Variants in OGT observed in about 807,000 individuals in gnomAD.
OGT encodes the protein O-linked N-acetylglucosamine (GlcNAc) transferase, also known as UDP-N-acetylglucosamine--peptide N-acetylglucosaminyltransferase 110 kDa subunit.
OGT carries 3 observed loss-of-function variants against 75.8 expected under a neutral mutation model. That is an observed-to-expected ratio of 0.04 (90% CI 0.02 to 0.10). The LOEUF (loss-of-function observed/expected upper bound fraction) is 0.10, where lower values mean the gene tolerates loss of function less well. Ranked by LOEUF, OGT falls within the 10% of genes least tolerant of loss-of-function variation. The pLI is 1.00. For missense variants in OGT, 260 were observed against 824.4 expected (o/e 0.32, Z 8.38); for synonymous variants, 257 against 289.7 (o/e 0.89, Z 1.15).
At chrX:71,557,450 G>T in intron 11 of OGT, 43 bp from the exon 12 acceptor site, 1 of 1,164,522 alleles carries the variant, frequency 8.6e-7, no homozygotes, top group Non-Finnish European at 1.2e-6. Context: ...TTAAATCCTG[G>T]GATAGGACTT....
intron 21 of OGT, among the ~76,000 whole-genome samples, chrX:71,571,253 A>G (rs779511478): frequency 1.8e-5 from 2 of 112,090 alleles, no homozygotes; most frequent in African/African-American, 3.2e-5. Context: ...GCATTTTACT[A>G]TTCTTGCTTT....
chrX:71,541,294 G>A (rs1020106041), intron 3 of OGT, among the ~76,000 whole-genome samples: 1 of 111,865 alleles, frequency 8.9e-6, no homozygotes, highest in Non-Finnish European at 1.9e-5. Context: ...CAGCTGCACT[G>A]TAGAAAACCA....
Position 71,556,039 on chromosome X carries a change from A to G in OGT, c.1010A>G (p.Lys337Arg). 8.3e-7 allele frequency: 1 copy of G among 1,211,839 alleles called. No homozygotes were observed. Among genetic ancestry groups the G allele is most frequent in the Non-Finnish European group, 1.1e-6 (1 of 895,442 alleles). Residue 337 changes from lysine (K) to arginine (R), a missense_variant, in exon 8 of 22, where the codon AAA becomes AGA. Lys to Arg is a conservative substitution (Grantham distance 26). Coordinates refer to ENST00000373719, the MANE Select transcript of OGT (RefSeq NM_181672.3). ...ADSLNNLANI[K>R]REQGNIEEAV... ...TCTCTGAATAACCTAGCCAATATCA[A>G]ACGAGAACAGGGAAACATTGAAGAG...
At chrX:71,551,691 T>C (rs780340458) in intron 5 of OGT, among the ~76,000 whole-genome samples, 1 of 111,824 alleles carries the variant, frequency 8.9e-6, no homozygotes, top group South Asian at 3.7e-4. Context: ...CAATCAGGTA[T>C]TAAGTACCTT....
Position 71,560,272 on chromosome X carries a change from T to C in OGT, c.1851+595T>C, listed in dbSNP as rs761630008. 1.8e-3 allele frequency among the ~76,000 whole-genome samples: 153 copies of C among 85,432 alleles called. 1 individual carries two copies. Among genetic ancestry groups the C allele is most frequent in the African/African-American group, 7.0e-3 (150 of 21,527 alleles). The allele number at this position is 85,432 out of a possible 115,157, so 74.2% of individuals were successfully genotyped here. On this transcript the variant is annotated intron_variant, in intron 14 of 21. Transcript: ENST00000373719. ...CCAGCCTGGCAAGAGCAAGACTCTG[T>C]CTCAAAAAAAAAAAAAAAAAAAGAA...
In OGT at chrX:71,557,626, T is replaced by A; in HGVS notation, c.1556T>A (p.Phe519Tyr). Residue 519 changes from phenylalanine to tyrosine, a missense_variant, in exon 12 of 22, where the codon TTC becomes TAC. Phe to Tyr is a conservative substitution (Grantham distance 22). Transcript: ENST00000373719. ...ATGCTATATCCTCTTTCTCATGGCT[T>A]CAGGAAGGCTATTGCTGAGAGGCAC... ...HSMLYPLSHG[F>Y]RKAIAERHGN... The A allele has an allele frequency of 1.7e-6, 2 of 1,209,485 alleles. No homozygotes were observed. The highest frequency in any genetic ancestry group is 1.8e-5 in the South Asian group (1 of 56,317).
Position 71,559,683 on chromosome X carries a change from TG to T in OGT, c.1851+7del, listed in dbSNP as rs781659359. 8.5e-7 allele frequency: 1 copy of T among 1,174,810 alleles called. No individual in the cohort carries two copies. The highest frequency in any genetic ancestry group is 1.2e-6 in the Non-Finnish European group (1 of 865,269). ...ATTTCATTGATCTTTCTCAGGTAGA[TG>T]AAACTCTCATACTTTAACTTTTTAT... On this transcript the variant is annotated splice_region_variant and intron_variant, in intron 14 of 21. Coordinates refer to ENST00000373719, the MANE Select transcript of OGT (RefSeq NM_181672.3).
intron 19 of OGT, 75 bp from the exon 20 acceptor site, chrX:71,567,425 T>C: frequency 2.2e-6 from 2 of 898,363 alleles, no homozygotes; most frequent in South Asian, 3.2e-5. Context: ...GGTAGAATTA[T>C]TAGAGACCTC....
intron 4 of OGT, chrX:71,546,512 A>T (rs1274697997): frequency 2.7e-6 from 2 of 752,890 alleles, no homozygotes; most frequent in Non-Finnish European, 3.1e-6. Flanking sequence ...TAACTGCCAC[A>T]GCAAAACAAT....
At chrX:71,562,045 G>A in intron 15 of OGT, 145 bp downstream of exon 15, 1 of 532,545 alleles carries the variant, frequency 1.9e-6, no homozygotes, top group Admixed American at 4.4e-5. Context: ...AAATGCACAG[G>A]ACAAAAAGAG....
chrX:71,549,511 G>A (rs1602143597), intron 5 of OGT, among the ~76,000 whole-genome samples: 1 of 108,720 alleles, frequency 9.2e-6, no homozygotes, highest in Non-Finnish European at 1.9e-5. Context: ...TTTAGGCTGC[G>A]TGCTGTGGCT....
At chrX:71,539,744 G>A (rs891624610) in intron 3 of OGT, among the ~76,000 whole-genome samples, 1 of 112,214 alleles carries the variant, frequency 8.9e-6, no homozygotes, top group African/African-American at 3.2e-5. Flanking sequence ...GCTCACCTCT[G>A]TACCCAGTTG....
At chrX:71,547,878 C>A (rs2040273178) in intron 4 of OGT, 29 bp from the exon 5 acceptor site, 1 of 1,142,054 alleles carries the variant, frequency 8.8e-7, no homozygotes, top group African/African-American at 1.8e-5. Context: ...TCCTTTCCCT[C>A]CCATCTTCTT....
At chrX:71,547,580 T>G in intron 4 of OGT, 2 of 850,874 alleles carry the variant, frequency 2.4e-6, no homozygotes, top group Non-Finnish European at 2.8e-6. Flanking sequence ...GTTGTTTGGA[T>G]AAGAGAACTC....
At position 71,574,146 on chromosome X, in the gene OGT, AT is replaced by A. The variant is rs201184628; in HGVS notation, c.*361del. 6 of 123,996 alleles carry A rather than the reference AT, an allele frequency of 4.8e-5. No homozygotes were observed. The highest frequency in any genetic ancestry group is 2.2e-4 in the East Asian group (1 of 4,470). The allele number at this position is 123,996 out of a possible 1,213,427, so 10.2% of individuals were successfully genotyped here. A position where few individuals can be genotyped will look rare whatever the true frequency, so the allele number is the denominator to read the frequency against. ...TCCATGGATTGATTCAGTCTTCTGG[AT>A]TTTTTTTTCTTTATATTTTGGGTAC... On this transcript the variant is annotated 3_prime_UTR_variant, in exon 22 of 22. Transcript: ENST00000373719.
chrX:71,537,447 G>A (rs1292509751), intron 2 of OGT, among the ~76,000 whole-genome samples: 4 of 111,081 alleles, frequency 3.6e-5, no homozygotes, highest in African/African-American at 1.3e-4. Flanking sequence ...GATTACAGGC[G>A]CCTGCCATCA....
intron 2 of OGT, 194 bp downstream of exon 2, chrX:71,536,552 A>C: frequency 2.9e-6 from 1 of 346,659 alleles, no homozygotes. Flanking sequence ...GGTGGTGGTT[A>C]TATTATCAGT....
Position 71,574,450 on chromosome X carries a change from C to T in OGT, c.*656C>T, listed in dbSNP as rs1372500541. 9.1e-6 allele frequency: 1 copy of T among 110,404 alleles called. No homozygotes were observed. Among genetic ancestry groups the T allele is most frequent in the Non-Finnish European group, 1.9e-5 (1 of 52,788 alleles). 9.1% of individuals were successfully genotyped at this position (110,404 alleles called of 1,213,427 possible). On this transcript the variant is annotated 3_prime_UTR_variant, in exon 22 of 22. Coordinates refer to ENST00000373719, the MANE Select transcript of OGT (RefSeq NM_181672.3). The stretch of plus-strand genomic sequence containing the variant: ...ATTTTTTCTGGTCCATTTCCCATTT[C>T]CTTTTCTTCCCTGACCCCCATACCC...
chrX:71,533,121 G>A lies in OGT; in HGVS notation c.-179G>A. 2.2e-6 allele frequency: 1 copy of A among 464,763 alleles called. No homozygotes were observed. The highest frequency in any genetic ancestry group is 3.8e-6 in the Non-Finnish European group (1 of 261,835). 38.3% of individuals were successfully genotyped at this position (464,763 alleles called of 1,213,427 possible). On this transcript the variant is annotated 5_prime_UTR_variant, in exon 1 of 22. Coordinates refer to ENST00000373719, the MANE Select transcript of OGT (RefSeq NM_181672.3). ...TCGCCGCCATTTCAAGACCGTACTAGGTAGATGGTCAATTAGAGTTCCCAG... is the reference window on the plus strand; with the variant it reads ...TCGCCGCCATTTCAAGACCGTACTAAGTAGATGGTCAATTAGAGTTCCCAG...
Sources: gnomAD v4.1 joint callset for allele counts (sites outside exome capture counted in the v4.1 genomes callset) on GRCh38, gnomAD v4.1.1 for gene constraint, MANE v1.5 for transcripts, NCBI Gene and HGNC (gene_info 2026-07-23, HGNC 2026-07-21) for gene names.